Variants in FAM241A observed in about 807,000 individuals in gnomAD.
FAM241A encodes uncharacterized protein FAM241A.
Under a neutral mutation model 12.2 loss-of-function variants are expected in FAM241A, and 7 were observed. That is an observed-to-expected ratio of 0.58 (90% CI 0.33 to 1.08). The LOEUF (loss-of-function observed/expected upper bound fraction) is 1.08, where lower values mean the gene tolerates loss of function less well. Ranked by LOEUF, FAM241A falls within the 50% of genes least tolerant of loss-of-function variation. FAM241A has a pLI of 0.04. For synonymous variants in FAM241A, 74 were observed against 68.2 expected, an observed-to-expected ratio of 1.08 and a Z score of -0.42; for missense variants, 161 against 169.7, an observed-to-expected ratio of 0.95 and a Z score of 0.29.
chr4:112,168,123 C>T (rs1409917088), intron 1 of FAM241A, among the ~76,000 whole-genome samples: 2 of 152,206 alleles, frequency 1.3e-5, no homozygotes, highest in Admixed American at 1.3e-4. Context: ...GTAATTTTCA[C>T]TATATCACCA....
At chr4:112,149,805 C>A (rs1459138982) in intron 1 of FAM241A, among the ~76,000 whole-genome samples, 6 of 152,002 alleles carry the variant, frequency 3.9e-5, no homozygotes, top group South Asian at 2.1e-4. Context: ...ATTTGTATTT[C>A]TTTTTAGTCA....
chr4:112,152,085 C>T (rs963677655), intron 1 of FAM241A, among the ~76,000 whole-genome samples: 7 of 152,220 alleles, frequency 4.6e-5, no homozygotes, highest in African/African-American at 1.7e-4. Context: ...TTCCTAAGGA[C>T]ATCCAGTCAC....
chr4:112,165,156 T>C (rs548913710), intron 1 of FAM241A, among the ~76,000 whole-genome samples: 24 of 152,200 alleles, frequency 1.6e-4, no homozygotes, highest in Admixed American at 1.6e-3. Context: ...GAAAAGATGC[T>C]CAACATCACT....
chr4:112,170,183 C>T (rs1040225770), intron 1 of FAM241A, among the ~76,000 whole-genome samples: 6 of 152,078 alleles, frequency 3.9e-5, no homozygotes, highest in African/African-American at 1.2e-4. Flanking sequence ...TTTCCATGAT[C>T]GTTGGAGCAC....
chr4:112,149,613 C>T (rs1723206944), intron 1 of FAM241A, among the ~76,000 whole-genome samples: 1 of 152,142 alleles, frequency 6.6e-6, no homozygotes, highest in Non-Finnish European at 1.5e-5. Flanking sequence ...GAATTTAATT[C>T]AAGAAAGGTT....
In FAM241A at chr4:112,182,940, A is replaced by G. The variant is rs1487886668; in HGVS notation, c.154-3753A>G. Reference sequence around the variant, plus strand: ...TCTCACTGATTGAAGAATATTGATCATTTTCCTTTTCCACGTTCTTTTTTT... The same window carrying G: ...TCTCACTGATTGAAGAATATTGATCGTTTTCCTTTTCCACGTTCTTTTTTT... On this transcript the variant is annotated intron_variant, in intron 1 of 1. Transcript: ENST00000309733. 2.0e-5 allele frequency among the ~76,000 whole-genome samples: 3 copies of G among 149,164 alleles called. No homozygotes were observed. In the Admixed American group the frequency reaches 2.0e-4, roughly 10 times the overall value.
Position 112,187,710 on chromosome 4 carries a change from A to G in FAM241A, c.*772A>G, listed in dbSNP as rs1185795481. On this transcript the variant is annotated 3_prime_UTR_variant, in exon 2 of 2. Coordinates refer to ENST00000309733, the MANE Select transcript of FAM241A (RefSeq NM_152400.3). ...GTTGACTGCACCCTATGGTAATGCC[A>G]TATTTTCTTGTATCTAACAAGTTGC... 1 of 152,488 alleles carries G rather than the reference A, an allele frequency of 6.6e-6. No homozygotes were observed. Among genetic ancestry groups the G allele is most frequent in the Admixed American group, 6.5e-5 (1 of 15,276 alleles). The allele number at this position is 152,488 out of a possible 1,614,324, so 9.4% of individuals were successfully genotyped here. A position where few individuals can be genotyped will look rare whatever the true frequency, so the allele number is the denominator to read the frequency against.
chr4:112,160,684 TGTGG>T (rs1723446268), intron 1 of FAM241A, among the ~76,000 whole-genome samples: 1 of 152,026 alleles, frequency 6.6e-6, no homozygotes, highest in African/African-American at 2.4e-5. Flanking sequence ...ACCAAAACAG[TGTGG>T]TACTGGCATA....
At chr4:112,161,875 G>A (rs1362365183) in intron 1 of FAM241A, among the ~76,000 whole-genome samples, 2 of 152,008 alleles carry the variant, frequency 1.3e-5, no homozygotes, top group African/African-American at 2.4e-5. Context: ...ATTTTAGACC[G>A]ATACCCATGA....
chr4:112,169,545 G>A (rs1245262643), intron 1 of FAM241A, among the ~76,000 whole-genome samples: 1 of 152,178 alleles, frequency 6.6e-6, no homozygotes, highest in Non-Finnish European at 1.5e-5. Context: ...CTCAGGAATT[G>A]GATGGACAAT....
intron 1 of FAM241A, among the ~76,000 whole-genome samples, chr4:112,146,830 A>G (rs550918428): frequency 6.6e-6 from 1 of 152,366 alleles, no homozygotes; most frequent in East Asian, 1.9e-4. Flanking sequence ...TTTGATCACC[A>G]CGTGGAGTGT....
intron 1 of FAM241A, among the ~76,000 whole-genome samples, chr4:112,179,698 A>G (rs1437101503): frequency 2.0e-5 from 3 of 146,694 alleles, no homozygotes; most frequent in East Asian, 2.1e-4. Context: ...CCTAGAACTT[A>G]AAGTATAATA....
chr4:112,185,595 A>G (rs1247744451), intron 1 of FAM241A, among the ~76,000 whole-genome samples: 1 of 152,228 alleles, frequency 6.6e-6, no homozygotes, highest in Non-Finnish European at 1.5e-5. Context: ...AGAAGCTTCA[A>G]AAAGGCCCCC....
chr4:112,169,475 A>G (rs1227864716), intron 1 of FAM241A, among the ~76,000 whole-genome samples: 1 of 152,240 alleles, frequency 6.6e-6, no homozygotes, highest in Admixed American at 6.5e-5. Context: ...AATCTTAAAA[A>G]GAAATAGCAA....
At position 112,188,375 on chromosome 4, in the gene FAM241A, A is replaced by G. The variant is rs890565938; in HGVS notation, c.*1437A>G. The G allele has an allele frequency of 2.6e-5, 4 of 152,172 alleles. No homozygotes were observed. The highest frequency in any genetic ancestry group is 1.9e-4 in the East Asian group (1 of 5,198). 9.4% of individuals were successfully genotyped at this position (152,172 alleles called of 1,614,324 possible). On this transcript the variant is annotated 3_prime_UTR_variant, in exon 2 of 2. Coordinates refer to ENST00000309733, the MANE Select transcript of FAM241A (RefSeq NM_152400.3). ...GCATTCTTAGTGTCTTCTCATTCTG[A>G]AACAGAAAATAAGGAAAAACATTTA...
intron 1 of FAM241A, among the ~76,000 whole-genome samples, chr4:112,174,209 C>T (rs1309249586): frequency 1.3e-5 from 2 of 152,192 alleles, no homozygotes; most frequent in Non-Finnish European, 1.5e-5. Context: ...GCCCACCTTC[C>T]CCTCCCTGCA....
Position 112,183,385 on chromosome 4 carries a change from T to G in FAM241A, c.154-3308T>G, listed in dbSNP as rs1723980980. ...TTCCAGTCTCAATCCCACCAGCTGA[T>G]CTCAAGATCTGAGATAATGTGAGCA... On this transcript the variant is annotated intron_variant, in intron 1 of 1. Coordinates refer to ENST00000309733, the MANE Select transcript of FAM241A (RefSeq NM_152400.3). 1.3e-5 allele frequency among the ~76,000 whole-genome samples: 2 copies of G among 152,110 alleles called. 1 individual carries two copies. The highest frequency in any genetic ancestry group is 4.1e-4 in the South Asian group (2 of 4,830).
rs996017282 is a variant in FAM241A at position 112,194,315 on chromosome 4, C to A, written c.*7377C>A. 1 of 152,038 alleles carries A rather than the reference C, an allele frequency of 6.6e-6. No homozygotes were observed. Among genetic ancestry groups the A allele is most frequent in the Non-Finnish European group, 1.5e-5 (1 of 68,050 alleles). The allele number at this position is 152,038 out of a possible 1,614,324, so 9.4% of individuals were successfully genotyped here. ...GCAAACAGGGACAATTTGACTTCCT[C>A]TTTTCCTAATTGAATACTTTTTACT... On this transcript the variant is annotated 3_prime_UTR_variant, in exon 2 of 2. Transcript: ENST00000309733.
rs754711443 is a variant in FAM241A, at chr4:112,186,884, A to C, written c.345A>C (p.Gln115His). 8 of 1,613,992 alleles carry C rather than the reference A, an allele frequency of 5.0e-6. No individual in the cohort carries two copies. The highest frequency in any genetic ancestry group is 6.8e-6 in the Non-Finnish European group (8 of 1,179,990). The change falls in exon 2 of 2, where the codon CAA becomes CAC. Residue 115 changes from glutamine to histidine, a missense_variant. Coordinates refer to ENST00000309733, the MANE Select transcript of FAM241A (RefSeq NM_152400.3). The part of the protein sequence containing the change: ...FWVMLWFLGL[Q>H]ALGLVAVLCL... ...TTATGCTGTGGTTCCTTGGCCTGCAAGCCCTTGGACTAGTTGCTGTTCTTT... is the reference window on the plus strand; with the variant it reads ...TTATGCTGTGGTTCCTTGGCCTGCACGCCCTTGGACTAGTTGCTGTTCTTT...
Sources: gnomAD v4.1 joint callset for allele counts (sites outside exome capture counted in the v4.1 genomes callset) on GRCh38, gnomAD v4.1.1 for gene constraint, MANE v1.5 for transcripts, NCBI Gene and HGNC (gene_info 2026-07-23, HGNC 2026-07-21) for gene names.